Variants in MAGI1 observed in about 807,000 individuals in gnomAD.
MAGI1 encodes the protein membrane associated guanylate kinase, WW and PDZ domain containing 1, also known as membrane-associated guanylate kinase, WW and PDZ domain-containing protein 1.
A neutral mutation model predicts 139.9 loss-of-function variants in MAGI1; 58 were observed. The observed-to-expected ratio is 0.41, with a 90% CI of 0.34 to 0.52. The LOEUF (loss-of-function observed/expected upper bound fraction) is 0.52. Among genes scored for constraint, MAGI1 ranks in the 20% least tolerant of loss-of-function variants. The pLI, the probability that MAGI1 is intolerant of heterozygous loss-of-function variation, is 0.12. For missense variants in MAGI1, 1,874 were observed against 1,901.6 expected, an observed-to-expected ratio of 0.99 and a Z score of 0.27; for synonymous variants, 812 against 737.9, an observed-to-expected ratio of 1.10 and a Z score of -1.63.
intron 1 of MAGI1, among the ~76,000 whole-genome samples, chr3:65,624,946 C>T (rs2083886855): frequency 6.6e-6 from 1 of 152,126 alleles, no homozygotes; most frequent in African/African-American, 2.4e-5. Flanking sequence ...AGTCTCAGCT[C>T]ACTGCAACCT....
intron 2 of MAGI1, among the ~76,000 whole-genome samples, chr3:65,574,762 G>A (rs963748901): frequency 1.3e-5 from 2 of 152,044 alleles, no homozygotes; most frequent in African/African-American, 4.8e-5. Flanking sequence ...AGAAAGGTGA[G>A]TATATGAGTG....
intron 1 of MAGI1, among the ~76,000 whole-genome samples, chr3:65,884,199 C>A (rs1054965146): frequency 1.3e-5 from 2 of 152,174 alleles, no homozygotes; most frequent in East Asian, 1.9e-4. Context: ...AAGAAAAACA[C>A]GTCCGAATAA....
At chr3:65,545,604 C>G (rs904109373) in intron 2 of MAGI1, among the ~76,000 whole-genome samples, 3 of 152,110 alleles carry the variant, frequency 2.0e-5, no homozygotes, top group Non-Finnish European at 4.4e-5. Context: ...GACTCATATT[C>G]TAGCCATCTA....
chr3:65,968,322 A>T (rs965768388), intron 1 of MAGI1, among the ~76,000 whole-genome samples: 3 of 152,232 alleles, frequency 2.0e-5, no homozygotes, highest in African/African-American at 7.2e-5. Context: ...ACGATATATT[A>T]CTGATTCCAG....
chr3:65,716,139 G>T (rs1014777039), intron 1 of MAGI1, among the ~76,000 whole-genome samples: 1 of 152,178 alleles, frequency 6.6e-6, no homozygotes, highest in Non-Finnish European at 1.5e-5. Context: ...CTCAACTTAG[G>T]AACTGATGTA....
intron 2 of MAGI1, among the ~76,000 whole-genome samples, chr3:65,556,558 C>T (rs780962727): frequency 3.6e-4 from 55 of 152,166 alleles, no homozygotes; most frequent in Non-Finnish European, 7.1e-4. Flanking sequence ...TCCTGGACAA[C>T]CCTCTTCACT....
chr3:65,475,458 C>T (rs1175499065), intron 4 of MAGI1, among the ~76,000 whole-genome samples: 3 of 152,150 alleles, frequency 2.0e-5, no homozygotes, highest in Non-Finnish European at 4.4e-5. Context: ...AGGTGATCTG[C>T]CCGCCTCAGT....
chr3:65,891,923 T>TATAA (rs2060782135), intron 1 of MAGI1, among the ~76,000 whole-genome samples: 1 of 109,794 alleles, frequency 9.1e-6, no homozygotes. Context: ...TATATATATA[T>TATAA]ATATATATAT....
chr3:65,739,417 T>A (rs72908219), intron 1 of MAGI1, among the ~76,000 whole-genome samples: 1 of 152,216 alleles, frequency 6.6e-6, no homozygotes, highest in South Asian at 2.1e-4. Context: ...AATAAGGATG[T>A]TGCACTTTCT....
intron 9 of MAGI1, 62 bp downstream of exon 9, chr3:65,439,817 A>T: frequency 1.2e-6 from 2 of 1,600,864 alleles, no homozygotes; most frequent in Non-Finnish European, 8.5e-7. Context: ...CGAGGGTGTC[A>T]GCGCTCAGAT....
intron 1 of MAGI1, among the ~76,000 whole-genome samples, chr3:65,848,636 T>C (rs2059091302): frequency 6.6e-6 from 1 of 152,030 alleles, no homozygotes; most frequent in Non-Finnish European, 1.5e-5. Context: ...GGGAAGAAAC[T>C]GATTTTACAA....
At chr3:65,394,490 G>A (rs73832828) in intron 13 of MAGI1, among the ~76,000 whole-genome samples, 1,762 of 152,274 alleles carry the variant, frequency 0.012, 30 homozygotes, top group African/African-American at 0.041. Flanking sequence ...TGGCACACCA[G>A]TGGGCTAAAT....
intron 1 of MAGI1, among the ~76,000 whole-genome samples, chr3:65,832,343 A>T (rs1185495906): frequency 6.6e-6 from 1 of 152,214 alleles, no homozygotes; most frequent in African/African-American, 2.4e-5. Flanking sequence ...TCTTCAAAAC[A>T]ATAAAGACTT....
At chr3:65,928,111 T>C (rs1447501320) in intron 1 of MAGI1, among the ~76,000 whole-genome samples, 1 of 152,178 alleles carries the variant, frequency 6.6e-6, no homozygotes, top group African/African-American at 2.4e-5. Context: ...CCCCACTCCA[T>C]GAAGACAAGG....
chr3:65,589,636 T>C (rs529909979), intron 2 of MAGI1, among the ~76,000 whole-genome samples: 1 of 152,000 alleles, frequency 6.6e-6, no homozygotes, highest in East Asian at 1.9e-4. Flanking sequence ...AAATAGAAAA[T>C]AGGCTTTGGA....
chr3:65,462,743 T>C (rs1454536663), intron 5 of MAGI1, among the ~76,000 whole-genome samples: 2 of 152,204 alleles, frequency 1.3e-5, no homozygotes, highest in East Asian at 1.9e-4. Flanking sequence ...ATTCTTCCTA[T>C]CCATGAGCAT....
intron 2 of MAGI1, among the ~76,000 whole-genome samples, chr3:65,527,599 C>T (rs1353542464): frequency 6.6e-6 from 1 of 152,118 alleles, no homozygotes; most frequent in East Asian, 1.9e-4. Flanking sequence ...GTGGCAGACG[C>T]CTGTAGTCCC....
intron 1 of MAGI1, among the ~76,000 whole-genome samples, chr3:65,764,743 G>A (rs1023589095): frequency 1.4e-4 from 22 of 151,800 alleles, no homozygotes; most frequent in Middle Eastern, 3.4e-3. Flanking sequence ...TGAGAAAGTC[G>A]TGTCATTTAA....
intron 1 of MAGI1, among the ~76,000 whole-genome samples, chr3:66,025,338 A>G (rs2068193971): frequency 2.0e-5 from 3 of 152,212 alleles, no homozygotes; most frequent in South Asian, 2.1e-4. Context: ...CAGGATTCTG[A>G]GACCAGCCTG....
Sources: allele counts gnomAD v4.1 joint callset (sites outside exome capture counted in the v4.1 genomes callset), GRCh38; gene constraint gnomAD v4.1.1; transcripts MANE v1.5; gene names NCBI Gene and HGNC (gene_info 2026-07-23, HGNC 2026-07-21).